The following RYR2 variants were observed in gnomAD, a reference collection of about 807,000 sequenced individuals.
RYR2 encodes the protein ryanodine receptor 2.
RYR2 carries 227 observed loss-of-function variants against 601.1 expected under a neutral mutation model. The observed-to-expected ratio is 0.38, with a 90% CI of 0.34 to 0.42. The LOEUF (loss-of-function observed/expected upper bound fraction) is 0.42, where lower values mean the gene tolerates loss of function less well. Among genes scored for constraint, RYR2 ranks in the 10% least tolerant of loss-of-function variants. RYR2 has a pLI of 1.00. For missense variants in RYR2, 4,646 were observed against 6,156.5 expected, an observed-to-expected ratio of 0.75 and a Z score of 8.21; for synonymous variants, 2,223 against 2,175.1, an observed-to-expected ratio of 1.02 and a Z score of -0.61.
intron 27 of RYR2, among the ~76,000 whole-genome samples, chr1:237,556,907 A>C (rs950067340): frequency 4.5e-5 from 6 of 134,500 alleles, no homozygotes; most frequent in African/African-American, 1.7e-4. Context: ...AAAAAAAAAA[A>C]AACCCTCTCA....
At chr1:237,438,919 G>T (rs993705803) in intron 12 of RYR2, among the ~76,000 whole-genome samples, 1 of 152,116 alleles carries the variant, frequency 6.6e-6, no homozygotes, top group African/African-American at 2.4e-5. Flanking sequence ...TTCTATAGGA[G>T]AATTCACTCC....
rs1553457186 is a variant in RYR2 at position 237,452,075 on chromosome 1, T to TG, written c.1293-2316_1293-2315insG. On this transcript the variant is annotated intron_variant, in intron 14 of 104. Coordinates refer to ENST00000366574, the MANE Select transcript of RYR2 (RefSeq NM_001035.3). ...CCTGGGGTGGGGAATATATATAAAA[T>TG]TTTGTGTGTGTGTGTGTGTGTGTGT... 0.012 allele frequency among the ~76,000 whole-genome samples: 91 copies of TG among 7,726 alleles called. No individual in the cohort carries two copies. The East Asian group carries it at 0.14, about 12-fold the overall frequency. 5.1% of individuals were successfully genotyped at this position (7,726 alleles called of 152,430 possible).
At chr1:237,404,360 T>A (rs1021531036) in intron 10 of RYR2, among the ~76,000 whole-genome samples, 1 of 152,184 alleles carries the variant, frequency 6.6e-6, no homozygotes, top group Non-Finnish European at 1.5e-5. Flanking sequence ...GTCTGGAAAG[T>A]GGTAAAGTTA....
At chr1:237,164,839 T>G (rs1676479820) in intron 1 of RYR2, among the ~76,000 whole-genome samples, 1 of 152,236 alleles carries the variant, frequency 6.6e-6, no homozygotes, top group African/African-American at 2.4e-5. Context: ...TACTGGGGCT[T>G]TGTCTAGCTC....
At chr1:237,275,608 GT>G (rs1482985137) in intron 2 of RYR2, among the ~76,000 whole-genome samples, 5 of 151,502 alleles carry the variant, frequency 3.3e-5, no homozygotes, top group Non-Finnish European at 7.4e-5. Flanking sequence ...AAAGAGAAAC[GT>G]AGAAACATAC....
At chr1:237,247,711 T>C (rs1390633145) in intron 1 of RYR2, among the ~76,000 whole-genome samples, 1 of 152,056 alleles carries the variant, frequency 6.6e-6, no homozygotes, top group East Asian at 1.9e-4. Context: ...CCAGGAGTAT[T>C]GAGGTACCAG....
At chr1:237,427,751 C>A (rs1272579852) in intron 12 of RYR2, among the ~76,000 whole-genome samples, 1 of 133,678 alleles carries the variant, frequency 7.5e-6, no homozygotes, top group Non-Finnish European at 1.5e-5. Context: ...CCACTGCACT[C>A]CAGCCTGGGC....
intron 12 of RYR2, among the ~76,000 whole-genome samples, chr1:237,431,534 C>T (rs565049666): frequency 1.3e-5 from 2 of 152,280 alleles, no homozygotes; most frequent in South Asian, 4.1e-4. Context: ...AATAATTCAA[C>T]ATCTTATTAC....
intron 1 of RYR2, among the ~76,000 whole-genome samples, chr1:237,194,253 C>T (rs1680311929): frequency 6.6e-6 from 1 of 152,082 alleles, no homozygotes; most frequent in Non-Finnish European, 1.5e-5. Flanking sequence ...CTTGGAGAGA[C>T]CCGGATTAGA....
chr1:237,503,967 C>T (rs1307762931), intron 22 of RYR2, among the ~76,000 whole-genome samples: 2 of 152,290 alleles, frequency 1.3e-5, no homozygotes, highest in East Asian at 3.9e-4. Context: ...TTTGGCCTCC[C>T]AAAGTGTTGG....
chr1:237,096,869 G>A (rs766542713), intron 1 of RYR2, among the ~76,000 whole-genome samples: 25 of 152,136 alleles, frequency 1.6e-4, no homozygotes, highest in African/African-American at 5.3e-4. Flanking sequence ...AGGAGAGCTT[G>A]CCTCCTAAAT....
At chr1:237,272,906 C>G (rs150486312) in intron 2 of RYR2, among the ~76,000 whole-genome samples, 52 of 152,000 alleles carry the variant, frequency 3.4e-4, no homozygotes, top group African/African-American at 7.5e-4. Context: ...CACCAGAGCA[C>G]GTAAACCCAC....
chr1:237,729,093 G>T (rs1690459101), intron 76 of RYR2, among the ~76,000 whole-genome samples: 1 of 151,970 alleles, frequency 6.6e-6, no homozygotes, highest in Admixed American at 6.6e-5. Context: ...ACCTCTTCAA[G>T]TCGCTTGTTC....
At chr1:237,820,485 C>T (rs1416586846) in intron 101 of RYR2, among the ~76,000 whole-genome samples, 1 of 152,176 alleles carries the variant, frequency 6.6e-6, no homozygotes, top group East Asian at 1.9e-4. Context: ...GAATTGTGCA[C>T]TCCAGCCCAG....
intron 16 of RYR2, among the ~76,000 whole-genome samples, chr1:237,459,554 C>T (rs1224121999): frequency 6.6e-6 from 1 of 152,032 alleles, no homozygotes; most frequent in Non-Finnish European, 1.5e-5. Context: ...GTTCATTGGT[C>T]CCTTCAACAG....
chr1:237,305,460 C>A (rs1193602569), intron 2 of RYR2, among the ~76,000 whole-genome samples: 1 of 152,204 alleles, frequency 6.6e-6, no homozygotes, highest in East Asian at 1.9e-4. Flanking sequence ...GAGACAGGGT[C>A]TCACTCTGTC....
At position 237,726,279 on chromosome 1, in the gene RYR2, A is replaced by C. The variant is rs1044539598; in HGVS notation, c.10696A>C (p.Lys3566Gln). ...ACATTTTTATTTCTTTCAGAAGTCT[A>C]AACGTGTGGGTCGGAGACATTACTG... ...NVLFHLEQKS[K>Q]RVGRRHYCLV... Residue 3566 changes from lysine to glutamine, a missense_variant, in exon 75 of 105, where the codon AAA becomes CAA. Around this residue, in one of 17 missense-constraint regions of RYR2, gnomAD observed 1,497 missense variants for 1,842.6 expected, o/e 0.81. Transcript: ENST00000366574. The C allele has an allele frequency of 6.3e-7, 1 of 1,584,882 alleles. No homozygotes were observed. The highest frequency in any genetic ancestry group is 8.6e-7 in the Non-Finnish European group (1 of 1,160,576).
intron 1 of RYR2, among the ~76,000 whole-genome samples, chr1:237,253,468 A>T (rs1350549440): frequency 6.6e-6 from 1 of 152,114 alleles, no homozygotes; most frequent in Non-Finnish European, 1.5e-5. Context: ...ATTATATTTT[A>T]CCCCTTGTAA....
chr1:237,811,183 A>G (rs1661215210), intron 100 of RYR2, among the ~76,000 whole-genome samples: 1 of 152,186 alleles, frequency 6.6e-6, no homozygotes, highest in South Asian at 2.1e-4. Flanking sequence ...TAGTATAACT[A>G]CATGCAGTGA....
Sources: allele counts gnomAD v4.1 joint callset (sites outside exome capture counted in the v4.1 genomes callset), GRCh38; gene constraint gnomAD v4.1.1; regional missense constraint gnomAD v4.1.1; transcripts MANE v1.5; gene names NCBI Gene and HGNC (gene_info 2026-07-23, HGNC 2026-07-21).